SERPINE3: variants seen among roughly 807,000 people sequenced by gnomAD.
SERPINE3 encodes serpin E3.
A neutral mutation model predicts 41.7 loss-of-function variants in SERPINE3; 43 were observed. The observed-to-expected ratio is 1.03, with a 90% CI of 0.81 to 1.33. The LOEUF (loss-of-function observed/expected upper bound fraction) is 1.33, where lower values mean the gene tolerates loss of function less well. Among genes scored for constraint, SERPINE3 ranks in the 40% most tolerant of loss-of-function variants. The pLI is 0.00. For missense variants in SERPINE3, 440 were observed against 491.7 expected, an observed-to-expected ratio of 0.89 and a Z score of 0.99; for synonymous variants, 200 against 192.2, an observed-to-expected ratio of 1.04 and a Z score of -0.34.
intron 2 of SERPINE3, 80 bp from the exon 3 acceptor site, chr13:51,340,995 G>T: frequency 1.4e-6 from 2 of 1,411,422 alleles, no homozygotes; most frequent in Non-Finnish European, 9.7e-7. Flanking sequence ...AGAGCTGGGG[G>T]TCCCAGTCCT....
At chr13:51,354,258 T>C (rs534894526) in intron 6 of SERPINE3, 5 of 152,174 alleles carry the variant, frequency 3.3e-5, no homozygotes, top group African/African-American at 1.2e-4. Context: ...ACAGGCTTGA[T>C]TTGAATCGAG....
At chr13:51,356,162 T>C (rs75027836) in intron 7 of SERPINE3, among the ~76,000 whole-genome samples, 2 of 152,136 alleles carry the variant, frequency 1.3e-5, no homozygotes, top group African/African-American at 2.4e-5. Flanking sequence ...TCTGTACTCA[T>C]TGCCTGAACA....
chr13:51,358,631 A>G (rs1175370258), intron 7 of SERPINE3, among the ~76,000 whole-genome samples: 2 of 152,130 alleles, frequency 1.3e-5, no homozygotes. Context: ...TACTAAACAC[A>G]TTAATGTACC....
intron 7 of SERPINE3, among the ~76,000 whole-genome samples, chr13:51,356,782 C>CT (rs10563020): frequency 1.9e-3 from 275 of 147,056 alleles, no homozygotes; most frequent in South Asian, 4.3e-3. Flanking sequence ...GATACGAAAC[C>CT]TTTTTTTTTT....
At chr13:51,349,450 C>G (rs1020432060) in intron 6 of SERPINE3, among the ~76,000 whole-genome samples, 1 of 152,184 alleles carries the variant, frequency 6.6e-6, no homozygotes, top group Non-Finnish European at 1.5e-5. Flanking sequence ...TTCAACAGAT[C>G]TCTCAGGGAG....
intron 6 of SERPINE3, among the ~76,000 whole-genome samples, chr13:51,350,979 T>C (rs889003626): frequency 3.9e-5 from 6 of 152,188 alleles, no homozygotes; most frequent in African/African-American, 1.4e-4. Flanking sequence ...CAATACTATC[T>C]TCCTTTTTAT....
chr13:51,341,323 G>T lies in SERPINE3; in HGVS notation c.232G>T (p.Asp78Tyr). Reference protein sequence around the residue: ...AEGSTGQQLADALGYTVHDKR... With the variant: ...AEGSTGQQLAYALGYTVHDKR... ...AGGGAGCACTGGTCAGCAGCTGGCAGATGCCCTGGGGTACACTGTCCATGG... is the reference window on the plus strand; with the variant it reads ...AGGGAGCACTGGTCAGCAGCTGGCATATGCCCTGGGGTACACTGTCCATGG... The change falls in exon 3 of 10, where the codon GAT (aspartate) becomes TAT (tyrosine). Residue 78 changes from aspartate (D) to tyrosine (Y), a missense_variant. Asp to Tyr is a radical substitution (Grantham distance 160). Transcript: ENST00000681248. 1 of 1,606,130 alleles carries T rather than the reference G, an allele frequency of 6.2e-7. No individual in the cohort carries two copies. The highest frequency in any genetic ancestry group is 8.5e-7 in the Non-Finnish European group (1 of 1,175,644).
At chr13:51,345,592 CA>C (rs753888958) in intron 4 of SERPINE3, among the ~76,000 whole-genome samples, 1,902 of 37,022 alleles carry the variant, frequency 0.051, 5 homozygotes, top group East Asian at 0.15. Context: ...GATTTCATCT[CA>C]AAAAAAAAAA....
chr13:51,343,149 G>C (rs1364441210), intron 3 of SERPINE3, among the ~76,000 whole-genome samples: 4 of 152,206 alleles, frequency 2.6e-5, no homozygotes, highest in Admixed American at 1.3e-4. Context: ...AGAGGGGACA[G>C]ACCCCAAGTG....
chr13:51,360,040 C>T (rs1046413621), intron 7 of SERPINE3, among the ~76,000 whole-genome samples: 1 of 152,098 alleles, frequency 6.6e-6, no homozygotes, highest in Admixed American at 6.6e-5. Context: ...GTGAATATAG[C>T]CAACTCCCAA....
At chr13:51,346,039 T>C (rs1955342797) in intron 4 of SERPINE3, among the ~76,000 whole-genome samples, 1 of 152,232 alleles carries the variant, frequency 6.6e-6, no homozygotes, top group Admixed American at 6.5e-5. Context: ...CCAACTTCTC[T>C]GAGCCTCAGT....
chr13:51,361,350 C>T lies in SERPINE3; in HGVS notation c.1073C>T (p.Ala358Val). 6.2e-7 allele frequency: 1 copy of T among 1,605,302 alleles called. No homozygotes were observed. Among genetic ancestry groups the T allele is most frequent in the South Asian group, 1.1e-5 (1 of 90,344 alleles). Residue 358 changes from alanine (A) to valine (V), a missense_variant, in exon 8 of 10, where the codon GCA (alanine) becomes GTA (valine). By Grantham distance (64) the Ala-to-Val change is moderately conservative. Coordinates refer to ENST00000681248, the MANE Select transcript of SERPINE3 (RefSeq NM_001386375.1). ...KIEVLEEGTK[A>V]SGATALLLLK... ...GAAGTTTTGGAGGAAGGCACCAAGG[C>T]ATCTGGAGCCACAGGTATGTTCAGA...
intron 8 of SERPINE3, 82 bp downstream of exon 8, chr13:51,361,446 GA>G: frequency 1.1e-6 from 1 of 877,704 alleles, no homozygotes; most frequent in Non-Finnish European, 1.9e-6. Flanking sequence ...TCACACTTCT[GA>G]ATCTTTCCAT....
At chr13:51,355,172 T>TGGA (rs2015337842) in intron 7 of SERPINE3, 29 bp downstream of exon 7, 1 of 1,143,678 alleles carries the variant, frequency 8.7e-7, no homozygotes, top group Non-Finnish European at 1.3e-6. Context: ...CCAAACGTTC[T>TGGA]AGCCGTGTAT....
In SERPINE3 at chr13:51,347,600, T is replaced by A. The variant is rs537225256; in HGVS notation, c.700+366T>A. On this transcript the variant is annotated intron_variant, in intron 5 of 9. Coordinates refer to ENST00000681248, the MANE Select transcript of SERPINE3 (RefSeq NM_001386375.1). ...GGTACAGTAGTACCCTGTACCCTTATCCATGATTTTGCTTTTTTGAGGTTT... is the reference window on the plus strand; with the variant it reads ...GGTACAGTAGTACCCTGTACCCTTAACCATGATTTTGCTTTTTTGAGGTTT... Among the ~76,000 whole-genome samples, 6 of 152,334 alleles carry A rather than the reference T, an allele frequency of 3.9e-5. No individual in the cohort carries two copies. In the East Asian group the frequency reaches 1.2e-3, roughly 29 times the overall value.
At chr13:51,340,911 C>T (rs987262401) in intron 2 of SERPINE3, 50 bp downstream of exon 2, 45 of 633,346 alleles carry the variant, frequency 7.1e-5, no homozygotes, top group African/African-American at 3.5e-4. Context: ...GCAGCCCAGA[C>T]GGCTGGGCCT....
At chr13:51,344,884 T>G (rs755045730) in intron 4 of SERPINE3, among the ~76,000 whole-genome samples, 42 of 152,040 alleles carry the variant, frequency 2.8e-4, no homozygotes, top group South Asian at 1.5e-3. Context: ...CCAAAAAAAG[T>G]GGTTTCCTGG....
At chr13:51,358,019 G>C (rs1955507113) in intron 7 of SERPINE3, among the ~76,000 whole-genome samples, 1 of 152,114 alleles carries the variant, frequency 6.6e-6, no homozygotes, top group Non-Finnish European at 1.5e-5. Flanking sequence ...CAGATGTCTG[G>C]TCAGAATTGC....
intron 2 of SERPINE3, 58 bp downstream of exon 2, chr13:51,340,919 C>A (rs571065399): frequency 2.3e-4 from 151 of 660,384 alleles, no homozygotes; most frequent in Non-Finnish European, 3.2e-4. Context: ...GACGGCTGGG[C>A]CTCAGGGTAG....
Sources: gnomAD v4.1 joint callset for allele counts (sites outside exome capture counted in the v4.1 genomes callset) on GRCh38, gnomAD v4.1.1 for gene constraint, MANE v1.5 for transcripts, NCBI Gene and HGNC (gene_info 2026-07-23, HGNC 2026-07-21) for gene names.